The following BRD3 variants were observed in gnomAD, a reference collection of about 807,000 sequenced individuals.
BRD3 encodes bromodomain-containing protein 3.
A neutral mutation model predicts 66.8 loss-of-function variants in BRD3; 17 were observed. That is an observed-to-expected ratio of 0.25 (90% confidence interval 0.17 to 0.38). The LOEUF (loss-of-function observed/expected upper bound fraction) is 0.38. Ranked by LOEUF, BRD3 falls within the 10% of genes least tolerant of loss-of-function variation. The pLI, the probability that BRD3 is intolerant of heterozygous loss-of-function variation, is 1.00. For missense variants in BRD3, 713 were observed against 956.1 expected, an observed-to-expected ratio of 0.75 and a Z score of 3.35; for synonymous variants, 421 against 393.2, an observed-to-expected ratio of 1.07 and a Z score of -0.84.
At chr9:134,041,333 G>A (rs923065009) in intron 8 of BRD3, among the ~76,000 whole-genome samples, 14 of 152,166 alleles carry the variant, frequency 9.2e-5, no homozygotes, top group African/African-American at 2.4e-4. Flanking sequence ...GCCTGGCAGC[G>A]GGACTGGGGC....
intron 1 of BRD3, among the ~76,000 whole-genome samples, chr9:134,055,051 CCT>C (rs1335825501): frequency 1.3e-4 from 20 of 152,254 alleles, no homozygotes; most frequent in African/African-American, 4.6e-4. Context: ...TGAGCGGGTG[CCT>C]CTCCACCTCA....
intron 1 of BRD3, among the ~76,000 whole-genome samples, chr9:134,060,587 GACACACAC>G (rs10661799): frequency 2.2e-3 from 311 of 143,874 alleles, no homozygotes; most frequent in African/African-American, 7.7e-3. Context: ...GCAAGACCCT[GACACACAC>G]ACACACACAC....
intron 8 of BRD3, among the ~76,000 whole-genome samples, chr9:134,040,879 C>G (rs569086658): frequency 1.3e-5 from 2 of 152,330 alleles, no homozygotes; most frequent in African/African-American, 4.8e-5. Flanking sequence ...TGGCATTGTG[C>G]CAAGCGCCTC....
chr9:134,062,649 C>CAA (rs1830569288), intron 1 of BRD3, among the ~76,000 whole-genome samples: 1 of 152,190 alleles, frequency 6.6e-6, no homozygotes, highest in South Asian at 2.1e-4. Flanking sequence ...AGAGAGGACT[C>CAA]AAAGGACGCT....
chr9:134,061,809 C>T (rs917452452), intron 1 of BRD3, among the ~76,000 whole-genome samples: 6 of 152,228 alleles, frequency 3.9e-5, no homozygotes, highest in East Asian at 1.9e-4. Context: ...ACCGCCAACA[C>T]CCCACAGCCC....
chr9:134,041,917 T>C lies in BRD3; in HGVS notation c.1250A>G (p.Asp417Gly). Residue 417 changes from aspartate (D) to glycine (G), a missense_variant, in exon 8 of 12, where the codon GAT becomes GGT. This residue lies in a region of BRD3 where 418 missense variants were observed against 609.3 expected (regional missense o/e 0.69). Coordinates refer to ENST00000303407, the MANE Select transcript of BRD3 (RefSeq NM_007371.4). ...CAGCGCCGGTGCCTCCACGGGCTCA[T>C]CTGGCATCTTGGCAAACCTCATCTC... ...VFEMRFAKMP[D>G]EPVEAPALPA... is the part of the protein sequence containing the mutation. 1 of 1,603,092 alleles carries C rather than the reference T, an allele frequency of 6.2e-7. No individual in the cohort carries two copies. Among genetic ancestry groups the C allele is most frequent in the Non-Finnish European group, 8.5e-7 (1 of 1,173,628 alleles).
intron 9 of BRD3, among the ~76,000 whole-genome samples, chr9:134,039,690 C>CGG (rs1829997753): frequency 6.6e-6 from 1 of 152,264 alleles, no homozygotes; most frequent in South Asian, 2.1e-4. Flanking sequence ...ATCCCTGCCC[C>CGG]CTGCCTATGG....
chr9:134,031,328 A>G lies in BRD3; in HGVS notation c.*2262T>C, dbSNP rs1020493040. On this transcript the variant is annotated 3_prime_UTR_variant, in exon 12 of 12. Transcript: ENST00000303407. ...CTGTGGCTGGAGGGGCATTGCAAGG[A>G]GCGCCCCCCAGCCCCAGGCACCCCC... is the stretch of plus-strand genomic sequence containing the variant. The G allele has an allele frequency of 6.7e-5, 14 of 207,852 alleles. No individual in the cohort carries two copies. The highest frequency in any genetic ancestry group is 1.6e-4 in the African/African-American group (7 of 43,700). The allele number at this position is 207,852 out of a possible 1,614,324, so 12.9% of individuals were successfully genotyped here.
At chr9:134,049,887 C>T (rs1830253648) in intron 5 of BRD3, among the ~76,000 whole-genome samples, 1 of 152,208 alleles carries the variant, frequency 6.6e-6, no homozygotes, top group East Asian at 1.9e-4. Context: ...CCAAGACCAA[C>T]AGGGCCCACT....
At position 134,040,060 on chromosome 9, in the gene BRD3, C is replaced by A; in HGVS notation, c.1617G>T (p.Lys539Asn). The A allele has an allele frequency of 6.3e-7, 1 of 1,594,428 alleles. No homozygotes were observed. Among genetic ancestry groups the A allele is most frequent in the Admixed American group, 1.7e-5 (1 of 57,380 alleles). The change falls in exon 9 of 12, where the codon AAG becomes AAT. Residue 539 changes from lysine (K) to asparagine (N), a missense_variant. Lys to Asn is a moderately conservative substitution (Grantham distance 94). This residue lies in a region of BRD3 where 418 missense variants were observed against 609.3 expected (regional missense o/e 0.69). Coordinates refer to ENST00000303407, the MANE Select transcript of BRD3 (RefSeq NM_007371.4). Reference protein sequence around the residue: ...QAQQKKAPAKKANSTTTAGRQ... With the variant: ...QAQQKKAPAKNANSTTTAGRQ... ...TGCCGGCCGTGGTCGTGCTGTTGGC[C>A]TTCTTGGCAGGAGCCTTCTTCTGCT...
chr9:134,048,507 C>A, intron 5 of BRD3, 53 bp from the exon 6 acceptor site: 1 of 1,592,900 alleles, frequency 6.3e-7, no homozygotes, highest in Non-Finnish European at 8.5e-7. Context: ...CCCGAAGACG[C>A]ATGTCGCTGC....
chr9:134,057,912 C>T (rs1178273424), intron 1 of BRD3: 2 of 152,444 alleles, frequency 1.3e-5, no homozygotes, highest in African/African-American at 4.8e-5. Flanking sequence ...TTGCAGGGCC[C>T]CCACGGGGTC....
intron 1 of BRD3, chr9:134,057,030 G>A (rs1830439670): frequency 6.6e-6 from 1 of 152,422 alleles, no homozygotes; most frequent in Admixed American, 6.5e-5. Context: ...GAAAGAACCA[G>A]GGCAACCTGC....
intron 4 of BRD3, among the ~76,000 whole-genome samples, chr9:134,051,268 G>C (rs977358570): frequency 1.3e-5 from 2 of 152,328 alleles, no homozygotes; most frequent in East Asian, 1.9e-4. Flanking sequence ...GAGCTGGAAG[G>C]GGGAGCAGGA....
In BRD3 at chr9:134,053,495, A is replaced by G; in HGVS notation, c.-18T>C. On this transcript the variant is annotated 5_prime_UTR_variant, in exon 2 of 12. It removes the in-frame stop codon of an upstream open reading frame in the 5' UTR. Coordinates refer to ENST00000303407, the MANE Select transcript of BRD3 (RefSeq NM_007371.4). ...GTGGACATCCTCCGGCAGCTCACTC[A>G]CTTTCTGTCACAGCAGCGGCTTGGA... The G allele has an allele frequency of 6.4e-7, 1 of 1,568,236 alleles. No individual in the cohort carries two copies. The highest frequency in any genetic ancestry group is 2.2e-4 in the Middle Eastern group (1 of 4,526).
Position 134,038,201 on chromosome 9 carries a change from C to A in BRD3, c.1643+1833G>T, listed in dbSNP as rs564270651. On this transcript the variant is annotated intron_variant, in intron 9 of 11. Transcript: ENST00000303407. ...GCCAAGTCTTGCTCTGTCGCCCAGG[C>A]TGGAGTGCAGTGGTGTGATCTCGGC... is the stretch of plus-strand genomic sequence containing the variant. 2.0e-5 allele frequency among the ~76,000 whole-genome samples: 3 copies of A among 152,262 alleles called. No individual in the cohort carries two copies. The East Asian group carries it at 5.8e-4, about 29-fold the overall frequency.
chr9:134,048,223 C>T lies in BRD3; in HGVS notation c.946G>A (p.Asp316Asn). ...GKLSEHLRYCDSILREMLSKK... is the reference protein window; with the variant it reads ...GKLSEHLRYCNSILREMLSKK... ...GATAGCATCTCCCTGAGGATGCTGT[C>T]GCAGTAGCGTAGGTGCTCCGACAGC... The change falls in exon 6 of 12, where the codon GAC (aspartate) becomes AAC (asparagine). Residue 316 changes from aspartate (D) to asparagine (N), a missense_variant. By Grantham distance (23) the Asp-to-Asn change is conservative. Transcript: ENST00000303407. The T allele has an allele frequency of 6.2e-7, 1 of 1,612,802 alleles. No individual in the cohort carries two copies. The highest frequency in any genetic ancestry group is 8.5e-7 in the Non-Finnish European group (1 of 1,179,824).
chr9:134,042,021 G>C (rs1830060331), intron 7 of BRD3, 70 bp from the exon 8 acceptor site: 1 of 1,442,870 alleles, frequency 6.9e-7, no homozygotes. Context: ...TGGGCCCTCA[G>C]GGTTTCTGAG....
At chr9:134,046,035 C>T (rs760907459) in intron 6 of BRD3, among the ~76,000 whole-genome samples, 75 of 152,208 alleles carry the variant, frequency 4.9e-4, no homozygotes, top group South Asian at 2.1e-4. Flanking sequence ...TGTCGGCTGA[C>T]ACCCACCCAC....
Sources: allele counts gnomAD v4.1 joint callset (sites outside exome capture counted in the v4.1 genomes callset), GRCh38; gene constraint gnomAD v4.1.1; regional missense constraint gnomAD v4.1.1; transcripts MANE v1.5; gene names NCBI Gene and HGNC (gene_info 2026-07-23, HGNC 2026-07-21).